Variants in ZFHX3 observed in about 807,000 individuals in gnomAD.
ZFHX3 encodes the protein zinc finger homeobox protein 3.
A neutral mutation model predicts 279.1 loss-of-function variants in ZFHX3; 42 were observed. The ratio of observed to expected loss-of-function variants is 0.15; its 90% CI spans 0.12 to 0.19. The LOEUF (loss-of-function observed/expected upper bound fraction) is 0.19. ZFHX3 is among the 10% of genes least tolerant of loss of function. The pLI is 1.00. For missense variants in ZFHX3, 4,981 were observed against 4,754.0 expected (o/e 1.05, Z -1.40); for synonymous variants, 2,293 against 1,957.8 (o/e 1.17, Z -4.52).
intron 2 of ZFHX3, among the ~76,000 whole-genome samples, chr16:73,509,951 G>A (rs1229758444): frequency 4.6e-5 from 7 of 152,102 alleles, no homozygotes; most frequent in African/African-American, 1.4e-4. Context: ...CTGTCTCAGC[G>A]TCCTAAAGTT....
chr16:73,331,527 T>C (rs1346903015), intron 3 of ZFHX3, among the ~76,000 whole-genome samples: 2 of 152,222 alleles, frequency 1.3e-5, no homozygotes, highest in South Asian at 2.1e-4. Flanking sequence ...AAAACCATGC[T>C]ATCTGGTCTG....
chr16:73,740,249 C>T (rs2053643752), intron 1 of ZFHX3, among the ~76,000 whole-genome samples: 2 of 152,124 alleles, frequency 1.3e-5, no homozygotes, highest in South Asian at 4.1e-4. Context: ...CATTCCTCTA[C>T]ACACTCCTTG....
intron 2 of ZFHX3, among the ~76,000 whole-genome samples, chr16:73,468,981 A>G (rs1298737009): frequency 6.6e-6 from 1 of 152,214 alleles, no homozygotes; most frequent in Admixed American, 6.5e-5. Flanking sequence ...AGAATTTAAC[A>G]AGCAAAGTTG....
intron 7 of ZFHX3, among the ~76,000 whole-genome samples, chr16:73,103,598 C>T (rs982685427): frequency 1.3e-5 from 2 of 152,194 alleles, no homozygotes; most frequent in East Asian, 1.9e-4. Context: ...TCTGTGAGTC[C>T]GTGAACTCCT....
chr16:73,797,989 A>G (rs900895094), intron 1 of ZFHX3, among the ~76,000 whole-genome samples: 1 of 151,684 alleles, frequency 6.6e-6, no homozygotes, highest in East Asian at 1.9e-4. Flanking sequence ...GTGTTTTTTT[A>G]GTAGACATGG....
intron 2 of ZFHX3, among the ~76,000 whole-genome samples, chr16:73,488,119 C>T (rs991766549): frequency 6.6e-6 from 1 of 152,194 alleles, no homozygotes; most frequent in Non-Finnish European, 1.5e-5. Context: ...CAATAAATAA[C>T]TGGTACAAGG....
rs369733454 is a variant in ZFHX3, at chr16:72,788,867, G to A, written c.9428-19C>T. ...GTTAAAGCTGAAAGGAATGGAGACAGAAATCACCGGTCAGTCTGGGCAGGG... is the reference window on the plus strand; with the variant it reads ...GTTAAAGCTGAAAGGAATGGAGACAAAAATCACCGGTCAGTCTGGGCAGGG... On this transcript the variant is annotated intron_variant, in intron 9 of 9. Coordinates refer to ENST00000268489, the MANE Select transcript of ZFHX3 (RefSeq NM_006885.4). 2.6e-6 allele frequency: 4 copies of A among 1,515,250 alleles called. No individual in the cohort carries two copies. Among genetic ancestry groups the A allele is most frequent in the Non-Finnish European group, 2.6e-6 (3 of 1,133,732 alleles). The allele number at this position is 1,515,250 out of a possible 1,614,324, so 93.9% of individuals were successfully genotyped here. A position where few individuals can be genotyped will look rare whatever the true frequency, so the allele number is the denominator to read the frequency against.
chr16:73,780,069 AGGG>A (rs1409947577), intron 1 of ZFHX3, among the ~76,000 whole-genome samples: 1 of 131,856 alleles, frequency 7.6e-6, no homozygotes, highest in Non-Finnish European at 1.6e-5. Context: ...TTCTGCCACC[AGGG>A]ACTCCTTCCT....
At chr16:73,576,807 T>C (rs1466371857) in intron 2 of ZFHX3, among the ~76,000 whole-genome samples, 1 of 152,140 alleles carries the variant, frequency 6.6e-6, no homozygotes, top group Non-Finnish European at 1.5e-5. Flanking sequence ...GTTGTAAAGA[T>C]TATTTCGTCA....
chr16:73,234,220 A>ATCC (rs2144934706), intron 5 of ZFHX3, among the ~76,000 whole-genome samples: 1 of 152,286 alleles, frequency 6.6e-6, no homozygotes, highest in African/African-American at 2.4e-5. Flanking sequence ...ACAGTCACCC[A>ATCC]TCCCTGGACT....
intron 3 of ZFHX3, among the ~76,000 whole-genome samples, chr16:73,435,710 G>A (rs554614947): frequency 2.0e-5 from 3 of 152,310 alleles, no homozygotes; most frequent in Non-Finnish European, 2.9e-5. Flanking sequence ...CCCATTTCGT[G>A]TCTCACCTGC....
intron 1 of ZFHX3, among the ~76,000 whole-genome samples, chr16:73,802,327 G>A (rs1297861266): frequency 6.6e-6 from 1 of 152,208 alleles, no homozygotes; most frequent in African/African-American, 2.4e-5. Flanking sequence ...GAAGGGAGGG[G>A]CCAGTGAGCC....
chr16:73,139,401 C>T (rs575097845), intron 6 of ZFHX3, among the ~76,000 whole-genome samples: 1 of 152,266 alleles, frequency 6.6e-6, no homozygotes, highest in South Asian at 2.1e-4. Flanking sequence ...ACCGTGTTTA[C>T]TTCTGGGTGG....
chr16:73,679,571 T>A (rs2142193458), intron 2 of ZFHX3: 1 of 152,254 alleles, frequency 6.6e-6, no homozygotes, highest in South Asian at 2.1e-4. Context: ...CATAGTACAA[T>A]TTTCTGGTGA....
intron 2 of ZFHX3, among the ~76,000 whole-genome samples, chr16:72,953,400 A>T (rs556111339): frequency 1.3e-5 from 2 of 152,182 alleles, no homozygotes; most frequent in African/African-American, 4.8e-5. Context: ...AACTGCCCGG[A>T]GGGTAAGACA....
intron 1 of ZFHX3, among the ~76,000 whole-genome samples, chr16:73,742,447 C>G (rs2142261312): frequency 6.6e-6 from 1 of 152,276 alleles, no homozygotes; most frequent in Admixed American, 6.5e-5. Flanking sequence ...TCTTCCACCA[C>G]CAGCAGCATT....
chr16:73,712,774 T>A (rs2142228449), intron 1 of ZFHX3, among the ~76,000 whole-genome samples: 1 of 152,340 alleles, frequency 6.6e-6, no homozygotes, highest in Non-Finnish European at 1.5e-5. Context: ...TTCTTTGTTT[T>A]CACCGTAAGA....
chr16:73,171,507 T>TG (rs1174851815), intron 5 of ZFHX3, among the ~76,000 whole-genome samples: 3 of 6,384 alleles, frequency 4.7e-4, no homozygotes, highest in African/African-American at 6.6e-4. Context: ...GGGGGCGGGG[T>TG]GGGGGGCGGG....
intron 4 of ZFHX3, among the ~76,000 whole-genome samples, chr16:73,277,304 C>G (rs116325272): frequency 6.6e-6 from 1 of 152,134 alleles, no homozygotes; most frequent in Non-Finnish European, 1.5e-5. Context: ...AAAGTCACCC[C>G]GGGTTTACTT....
Sources: allele counts gnomAD v4.1 joint callset (sites outside exome capture counted in the v4.1 genomes callset), GRCh38; gene constraint gnomAD v4.1.1; transcripts MANE v1.5; gene names NCBI Gene and HGNC (gene_info 2026-07-23, HGNC 2026-07-21).